The following OGG1 variants were observed in gnomAD, a reference collection of about 807,000 sequenced individuals.
OGG1 encodes 8-oxoguanine DNA glycosylase.
In OGG1, 35 loss-of-function variants were observed where a neutral mutation model predicts 42.3. The observed-to-expected ratio is 0.83, with a 90% confidence interval of 0.63 to 1.10. The LOEUF (loss-of-function observed/expected upper bound fraction) is 1.10. Ranked by LOEUF, OGG1 falls within the 50% of genes least tolerant of loss-of-function variation. The pLI is 0.00. For missense variants in OGG1, 484 were observed against 446.7 expected (o/e 1.08, Z -0.75); for synonymous variants, 189 against 179.0 (o/e 1.06, Z -0.44).
chr3:9,789,627 G>T (rs775855983), downstream of OGG1: 1 of 1,613,454 alleles, frequency 6.2e-7, no homozygotes, highest in Non-Finnish European at 8.5e-7. Context: ...GCAGGGAGAA[G>T]CAGATCCTGA....
chr3:9,766,765 C>G, downstream of OGG1: 1 of 395,296 alleles, frequency 2.5e-6, no homozygotes, highest in Non-Finnish European at 3.6e-6. Context: ...AAATTTCAAT[C>G]CTCAGGGATA....
At chr3:9,785,855 C>G (rs1174534586) in intron 3 of OGG1, among the ~76,000 whole-genome samples, 1 of 152,168 alleles carries the variant, frequency 6.6e-6, no homozygotes, top group African/African-American at 2.4e-5. Flanking sequence ...CAAGTTCTCT[C>G]CAGGGGAAAG....
At chr3:9,761,509 T>C (rs2125577253), downstream of OGG1, 1 of 1,613,588 alleles carries the variant, frequency 6.2e-7, no homozygotes, top group Non-Finnish European at 8.5e-7. Flanking sequence ...AGCCTTGCTG[T>C]AGGGCTTCTG....
chr3:9,775,021 A>G (rs1048853193), intron 2 of OGG1, among the ~76,000 whole-genome samples: 5 of 150,420 alleles, frequency 3.3e-5, no homozygotes, highest in Non-Finnish European at 4.4e-5. Context: ...AGGCCGAGGC[A>G]GGAGGATCAC....
intron 3 of OGG1, chr3:9,783,316 ATTT>A (rs1386747138): frequency 6.6e-6 from 1 of 151,552 alleles, no homozygotes; most frequent in Non-Finnish European, 1.5e-5. Context: ...AGAAGCGTAA[ATTT>A]TTTTTCTTTT....
intron 3 of OGG1, among the ~76,000 whole-genome samples, chr3:9,782,566 T>A (rs1269994382): frequency 2.0e-5 from 3 of 152,240 alleles, no homozygotes; most frequent in African/African-American, 7.2e-5. Flanking sequence ...CTGCTAGTAA[T>A]CTGCAAGTCC....
Position 9,750,476 on chromosome 3 carries a change from C to T in OGG1, c.137+53C>T, listed in dbSNP as rs899218030. Reference sequence around the variant, plus strand: ...CCCCTCGGACTGGCTCCTGCCGCCTCAACACTGCCTGGCATGGGGTACAAA... The same window carrying T: ...CCCCTCGGACTGGCTCCTGCCGCCTTAACACTGCCTGGCATGGGGTACAAA... On this transcript the variant is annotated intron_variant, in intron 1 of 6. Transcript: ENST00000344629. The T allele has an allele frequency of 1.2e-5, 19 of 1,609,312 alleles. No homozygotes were observed. The African/African-American group carries it at 2.5e-4, about 21-fold the overall frequency.
intron 2 of OGG1, chr3:9,780,470 G>A (rs199722218): frequency 1.4e-5 from 22 of 1,611,648 alleles, no homozygotes; most frequent in Non-Finnish European, 1.6e-5. Flanking sequence ...ATGATCTTGC[G>A]AAAGGCGTCC....
At chr3:9,768,368 C>T (rs1418651369), downstream of OGG1, among the ~76,000 whole-genome samples, 1 of 152,208 alleles carries the variant, frequency 6.6e-6, no homozygotes, top group East Asian at 1.9e-4. Context: ...CTCCTGACTC[C>T]CCATCTGGGT....
intron 2 of OGG1, chr3:9,780,490 T>C (rs2078433517): frequency 5.6e-6 from 9 of 1,610,084 alleles, no homozygotes; most frequent in Non-Finnish European, 6.8e-6. Context: ...CATGACCTCG[T>C]TGTCAGCCAT....
chr3:9,766,314 G>A, exon 8 of OGG1: 2 of 696,230 alleles, frequency 2.9e-6, no homozygotes, highest in Non-Finnish European at 2.6e-6. Flanking sequence ...AGCCATGCCT[G>A]AGGTCTACCC....
intron 3 of OGG1, chr3:9,784,025 C>T (rs2078544144): frequency 4.3e-6 from 7 of 1,612,778 alleles, no homozygotes; most frequent in Non-Finnish European, 5.9e-6. Context: ...TGCTAACGCT[C>T]ACCTCAGCAG....
At chr3:9,785,659 T>C (rs1000987391) in intron 3 of OGG1, among the ~76,000 whole-genome samples, 1 of 152,204 alleles carries the variant, frequency 6.6e-6, no homozygotes, top group African/African-American at 2.4e-5. Flanking sequence ...TGATTAACAC[T>C]CAATGATGGT....
chr3:9,787,481 T>C (rs746374925), intron 3 of OGG1: 29 of 1,270,260 alleles, frequency 2.3e-5, no homozygotes, highest in Non-Finnish European at 3.1e-5. Flanking sequence ...GGTAAGAAAG[T>C]ACAACGAAGA....
downstream of OGG1, chr3:9,767,641 A>G: frequency 1.2e-6 from 2 of 1,613,556 alleles, no homozygotes; most frequent in Non-Finnish European, 1.7e-6. Flanking sequence ...TCAGCCATCC[A>G]GCACCCAATC....
chr3:9,755,210 T>C (rs2077481533), intron 4 of OGG1, among the ~76,000 whole-genome samples: 1 of 151,986 alleles, frequency 6.6e-6, no homozygotes, highest in Non-Finnish European at 1.5e-5. Context: ...AAGATATTTC[T>C]TCTTTTCGGT....
chr3:9,790,693 C>A (rs189763079), downstream of OGG1, among the ~76,000 whole-genome samples: 11 of 152,192 alleles, frequency 7.2e-5, no homozygotes, highest in Non-Finnish European at 2.9e-5. Flanking sequence ...TGGCATTGGG[C>A]TGAGTTTTTG....
chr3:9,757,626 A>G (rs368983034), downstream of OGG1: 255 of 1,614,130 alleles, frequency 1.6e-4, 1 homozygote, highest in Admixed American at 3.6e-3. This position sits in a 1 kb window ranked among gnomAD's most constrained non-coding sequence, Gnocchi z 4.5. Flanking sequence ...CCGGCCCTGC[A>G]TGGGAAGACA....
In OGG1 at chr3:9,750,365, C is replaced by CCT. The variant is rs760761973; in HGVS notation, c.80_81insTC (p.Cys28ArgfsTer33). On this transcript the variant is annotated frameshift_variant, in exon 1 of 7. Coordinates refer to ENST00000344629, the MANE Select transcript of OGG1 (RefSeq NM_002542.6). LOFTEE classifies it high-confidence loss of function. ...CACTCCTGCCCTGTGGGCCTCCATC[C>CCT]CGTGCCCTCGCTCTGAGCTGCGCCT... is the stretch of plus-strand genomic sequence containing the variant. 3.1e-6 allele frequency: 5 copies of CCT among 1,614,096 alleles called. No individual in the cohort carries two copies. The highest frequency in any genetic ancestry group is 3.4e-6 in the Non-Finnish European group (4 of 1,180,024).
Sources: gnomAD v4.1 joint callset for allele counts (sites outside exome capture counted in the v4.1 genomes callset) on GRCh38, gnomAD v4.1.1 for gene constraint, Gnocchi (gnomAD v3.1) non-coding constraint, MANE v1.5 for transcripts, NCBI Gene and HGNC (gene_info 2026-07-23, HGNC 2026-07-21) for gene names.